UNC13C: variants seen among roughly 807,000 people sequenced by gnomAD.
UNC13C encodes the protein unc-13 homolog C.
Under a neutral mutation model 245.4 loss-of-function variants are expected in UNC13C, and 174 were observed. The observed-to-expected ratio is 0.71, with a 90% CI of 0.63 to 0.80. The LOEUF (loss-of-function observed/expected upper bound fraction) is 0.80. Ranked by LOEUF, UNC13C falls within the 30% of genes least tolerant of loss-of-function variation. The probability of loss-of-function intolerance (pLI) is 0.00; values close to 1 mark genes in which losing one functional copy is unlikely to be tolerated. For missense variants in UNC13C, 2,829 were observed against 2,602.9 expected, an observed-to-expected ratio of 1.09 and a Z score of -1.89; for synonymous variants, 992 against 895.1, an observed-to-expected ratio of 1.11 and a Z score of -1.93.
intron 19 of UNC13C, among the ~76,000 whole-genome samples, chr15:54,455,472 C>T (rs1019899825): frequency 6.7e-6 from 1 of 150,034 alleles, no homozygotes. Context: ...GTTTACATTC[C>T]CTCTAGCAGT....
chr15:54,378,773 G>A (rs181353036), intron 17 of UNC13C, among the ~76,000 whole-genome samples: 15 of 152,014 alleles, frequency 9.9e-5, no homozygotes, highest in African/African-American at 3.6e-4. Context: ...ATAACGTGCT[G>A]TTAAATAATT....
chr15:54,136,844 AC>A lies in UNC13C; in HGVS notation c.2984-6173del, dbSNP rs888275293. 1.8e-4 allele frequency among the ~76,000 whole-genome samples: 4 copies of A among 22,108 alleles called. No homozygotes were observed. In the Admixed American group the frequency reaches 2.7e-3, roughly 15 times the overall value. The allele number at this position is 22,108 out of a possible 152,430, so 14.5% of individuals were successfully genotyped here. Reference sequence around the variant, plus strand: ...CTTCATTCTTTTATTTTTGTGTATCACTTTTTTTTTTTTAACTTTAAGACAG... The same window carrying A: ...CTTCATTCTTTTATTTTTGTGTATCATTTTTTTTTTTTAACTTTAAGACAG... On this transcript the variant is annotated intron_variant, in intron 2 of 32. Coordinates refer to ENST00000260323, the MANE Select transcript of UNC13C (RefSeq NM_001080534.3).
chr15:53,845,614 A>G, the UNC13C span, among the ~76,000 whole-genome samples: 1 of 152,220 alleles, frequency 6.6e-6, no homozygotes, highest in Admixed American at 6.5e-5. Flanking sequence ...GGGTCTAGGG[A>G]TGCAAAGTTC....
chr15:54,598,523 G>C (rs184071642), intron 30 of UNC13C, among the ~76,000 whole-genome samples: 198 of 152,318 alleles, frequency 1.3e-3, no homozygotes, highest in African/African-American at 4.5e-3. Context: ...CAGCACATAG[G>C]ATCTGGGTGG....
chr15:54,307,792 T>C (rs1596189312), intron 13 of UNC13C, among the ~76,000 whole-genome samples: 1 of 152,022 alleles, frequency 6.6e-6, no homozygotes, highest in East Asian at 2.0e-4. Context: ...AACTGGGCTC[T>C]AGCAACCCAT....
intron 1 of UNC13C, among the ~76,000 whole-genome samples, chr15:53,989,461 G>A (rs963226933): frequency 1.3e-5 from 2 of 151,604 alleles, no homozygotes; most frequent in African/African-American, 4.8e-5. Context: ...CCACAGCAGG[G>A]CAGTGGCCTT....
At chr15:54,631,403 T>A (rs918187578), downstream of UNC13C, 6 of 152,218 alleles carry the variant, frequency 3.9e-5, no homozygotes, top group Non-Finnish European at 8.8e-5. Flanking sequence ...TTGGCATACA[T>A]TTCTGTGTTA....
At chr15:54,415,099 C>A in intron 19 of UNC13C, 32 bp downstream of exon 19, 1 of 1,466,770 alleles carries the variant, frequency 6.8e-7, no homozygotes, top group Non-Finnish European at 9.4e-7. Context: ...TATTCGAATA[C>A]ATGTTAGAGT....
Position 54,540,707 on chromosome 15 carries a change from C to T in UNC13C, c.5697-6015C>T, listed in dbSNP as rs549089752. Among the ~76,000 whole-genome samples, 9 of 152,162 alleles carry T rather than the reference C, an allele frequency of 5.9e-5. No homozygotes were observed. In the East Asian group the frequency reaches 1.7e-3, roughly 29 times the overall value. ...TTGCACTTTCTCCACTAAGACCTTA[C>T]CCCTTCACAAATTGAGGTGTAAACT... On this transcript the variant is annotated intron_variant, in intron 26 of 32. Coordinates refer to ENST00000260323, the MANE Select transcript of UNC13C (RefSeq NM_001080534.3).
intron 17 of UNC13C, among the ~76,000 whole-genome samples, chr15:54,345,900 A>G (rs1284579247): frequency 1.3e-5 from 2 of 152,100 alleles, no homozygotes; most frequent in Non-Finnish European, 2.9e-5. Context: ...CTCCATGGTG[A>G]CTTTGCCTGC....
At chr15:53,996,628 A>G (rs1000724497) in intron 1 of UNC13C, among the ~76,000 whole-genome samples, 3 of 152,092 alleles carry the variant, frequency 2.0e-5, no homozygotes, top group Non-Finnish European at 4.4e-5. Flanking sequence ...CTTCAAGTCA[A>G]TCTCCACTCT....
chr15:54,292,940 A>G (rs944953115), intron 10 of UNC13C, among the ~76,000 whole-genome samples: 2 of 148,652 alleles, frequency 1.3e-5, no homozygotes, highest in Admixed American at 6.8e-5. Flanking sequence ...AGATATCTAT[A>G]TCTATCTATA....
At chr15:53,875,937 A>G in the UNC13C span, among the ~76,000 whole-genome samples, 1 of 152,196 alleles carries the variant, frequency 6.6e-6, no homozygotes, top group Non-Finnish European at 1.5e-5. Context: ...AAAGGTGGTA[A>G]GGAAAGGATG....
intron 25 of UNC13C, among the ~76,000 whole-genome samples, chr15:54,530,733 C>G (rs770343091): frequency 6.6e-6 from 1 of 152,014 alleles, no homozygotes; most frequent in Non-Finnish European, 1.5e-5. Flanking sequence ...TAACAGTGGC[C>G]ATGAGATAAG....
At chr15:54,044,271 C>A (rs1397100569) in intron 2 of UNC13C, among the ~76,000 whole-genome samples, 1 of 152,108 alleles carries the variant, frequency 6.6e-6, no homozygotes, top group African/African-American at 2.4e-5. Context: ...CCTTTTTGTG[C>A]CTGAGCAGTA....
intron 4 of UNC13C, among the ~76,000 whole-genome samples, chr15:54,213,353 A>G (rs1428735676): frequency 2.0e-5 from 3 of 152,072 alleles, no homozygotes; most frequent in African/African-American, 4.8e-5. Context: ...GAGGAAAAGT[A>G]TATTTTATAT....
chr15:53,924,062 C>A, the UNC13C span, among the ~76,000 whole-genome samples: 1 of 152,014 alleles, frequency 6.6e-6, no homozygotes, highest in Non-Finnish European at 1.5e-5. Context: ...AAAAAATTAG[C>A]CGGGTGTAGT....
intron 2 of UNC13C, among the ~76,000 whole-genome samples, chr15:54,075,751 C>T (rs750737410): frequency 1.2e-4 from 18 of 151,984 alleles, no homozygotes; most frequent in Non-Finnish European, 2.6e-4. Flanking sequence ...ATAACTCATG[C>T]ATAATTTGTA....
chr15:54,422,983 A>ACAC (rs780824619), intron 19 of UNC13C, among the ~76,000 whole-genome samples: 35 of 140,236 alleles, frequency 2.5e-4, no homozygotes, highest in South Asian at 9.0e-4. Flanking sequence ...ACACACACAC[A>ACAC]ACGAAAAAAA....
Sources: allele counts gnomAD v4.1 joint callset (sites outside exome capture counted in the v4.1 genomes callset), GRCh38; gene constraint gnomAD v4.1.1; transcripts MANE v1.5; gene names NCBI Gene and HGNC (gene_info 2026-07-23, HGNC 2026-07-21).